The following CHPF variants were observed in gnomAD, a reference collection of about 807,000 sequenced individuals.
The protein encoded by CHPF is chondroitin polymerizing factor.
Under a neutral mutation model 55.1 loss-of-function variants are expected in CHPF, and 34 were observed. The ratio of observed to expected loss-of-function variants is 0.62; its 90% CI spans 0.47 to 0.82. The LOEUF (loss-of-function observed/expected upper bound fraction) is 0.82. CHPF is among the 40% of genes least tolerant of loss of function. The pLI, the probability that CHPF is intolerant of heterozygous loss-of-function variation, is 0.00. For missense variants in CHPF, 961 were observed against 1,106.1 expected (o/e 0.87, Z 1.86); for synonymous variants, 489 against 496.6 (o/e 0.98, Z 0.20).
chr2:219,542,014 C>A lies in CHPF; in HGVS notation c.490G>T (p.Ala164Ser). 6.2e-7 allele frequency: 1 copy of A among 1,600,370 alleles called. No individual in the cohort carries two copies. The highest frequency in any genetic ancestry group is 1.3e-5 in the African/African-American group (1 of 74,794). Residue 164 changes from alanine to serine, a missense_variant, in exon 2 of 4, where the codon GCA becomes TCA. Ala to Ser is a moderately conservative substitution (Grantham distance 99). This residue lies in a region of CHPF where 936 missense variants were observed against 1,058.4 expected (regional missense o/e 0.88). Transcript: ENST00000243776. ...CGCTCCTCGCCTAGCGTCACCACTG[C>A]CATGCCAGGTGGGGCCCGGCGGCCC... ...ARGRRAPPGM[A>S]VVTLGEERPI...
In CHPF at chr2:219,539,371, G is replaced by T; in HGVS notation, c.*12C>A. 1.9e-6 allele frequency: 3 copies of T among 1,583,620 alleles called. No individual in the cohort carries two copies. The highest frequency in any genetic ancestry group is 1.1e-5 in the South Asian group (1 of 88,428). ...GTGTGGCCATGCCACGGCCCACGGG[G>T]ACAGGGTGGGGTCAGGTGCTGTTGC... On this transcript the variant is annotated 3_prime_UTR_variant, in exon 4 of 4. Transcript: ENST00000243776.
At chr2:219,541,256 C>A in intron 2 of CHPF, 131 bp from the exon 3 acceptor site, 2 of 883,342 alleles carry the variant, frequency 2.3e-6, no homozygotes. Context: ...CTACCTTGAC[C>A]AGTTGTGAGT....
Position 219,541,844 on chromosome 2 carries a change from G to T in CHPF, c.660C>A (p.Ser220=). The stretch of plus-strand genomic sequence containing the variant: ...GCCGGCCCAGGTACAGGTGGGCGGC[G>T]GAGGCCAGGCTGAGGTGGCCAGTTA... ...ARLTGHLSLA[S]AAHLYLGRPQ... The change falls in exon 2 of 4, where the codon TCC becomes TCA. Residue 220 remains serine, a synonymous_variant. Transcript: ENST00000243776. 6.2e-7 allele frequency: 1 copy of T among 1,610,252 alleles called. No individual in the cohort carries two copies. The highest frequency in any genetic ancestry group is 2.2e-5 in the East Asian group (1 of 44,658).
In CHPF at chr2:219,542,114, C is replaced by A; in HGVS notation, c.390G>T (p.Leu130=). The change falls in exon 2 of 4, where the codon CTG becomes CTT. Residue 130 remains leucine (L), a synonymous_variant. Coordinates refer to ENST00000243776, the MANE Select transcript of CHPF (RefSeq NM_024536.6). Reference sequence around the variant, plus strand: ...GGTTCACGGCCACGCCCAGCGTGGGCAGCGTGGTCTGAGAGGTCAGCACCG... The same window carrying A: ...GGTTCACGGCCACGCCCAGCGTGGGAAGCGTGGTCTGAGAGGTCAGCACCG... ...LVAVLTSQTT[L]PTLGVAVNRT... is the part of the protein sequence containing the mutation. The A allele has an allele frequency of 6.4e-7, 1 of 1,569,276 alleles. No individual in the cohort carries two copies. The highest frequency in any genetic ancestry group is 1.8e-5 in the Admixed American group (1 of 55,274).
In CHPF at chr2:219,543,194, A is replaced by G; in HGVS notation, c.314+31T>C. ...CCCGCGCGCTTCCCGGCCGCTGCCC[A>G]GGGGGTAGAGCGGGCGCAGCCGATC... On this transcript the variant is annotated intron_variant, in intron 1 of 3. Coordinates refer to ENST00000243776, the MANE Select transcript of CHPF (RefSeq NM_024536.6). The G allele has an allele frequency of 3.5e-6, 5 of 1,446,638 alleles. No individual in the cohort carries two copies. The South Asian group carries it at 5.7e-5, about 17-fold the overall frequency. The allele number at this position is 1,446,638 out of a possible 1,614,324, so 89.6% of individuals were successfully genotyped here. A position where few individuals can be genotyped will look rare whatever the true frequency, so the allele number is the denominator to read the frequency against.
At chr2:219,542,308 A>G (rs1212534961) in intron 1 of CHPF, 119 bp from the exon 2 acceptor site, 2 of 741,850 alleles carry the variant, frequency 2.7e-6, no homozygotes, top group African/African-American at 3.6e-5. Context: ...CTCACCTATG[A>G]ATAGGTTAAA....
Position 219,539,896 on chromosome 2 carries a change from G to A in CHPF, c.1815C>T (p.His605=), listed in dbSNP as rs770548472. 8.7e-6 allele frequency: 14 copies of A among 1,613,712 alleles called. No homozygotes were observed. The highest frequency in any genetic ancestry group is 1.6e-4 in the Middle Eastern group (1 of 6,062). ...CCAGCAGGAACAGTGTGTCCAGCGG[G>A]TGCTTCTTGGAGAGTAGATCCATGA... ...LRLMDLLSKK[H]PLDTLFLLAG... is the part of the protein sequence containing the mutation. The change falls in exon 4 of 4, where the codon CAC becomes CAT. Residue 605 remains histidine (H), a synonymous_variant. Coordinates refer to ENST00000243776, the MANE Select transcript of CHPF (RefSeq NM_024536.6).
chr2:219,542,915 T>C, intron 1 of CHPF: 1 of 1,187,898 alleles, frequency 8.4e-7, no homozygotes, highest in East Asian at 4.0e-5. Flanking sequence ...ACACTCACCC[T>C]ATATATAAGT....
Position 219,543,648 on chromosome 2 carries a change from G to A in CHPF, c.-110C>T. 2.4e-6 allele frequency: 2 copies of A among 818,624 alleles called. No homozygotes were observed. Among genetic ancestry groups the A allele is most frequent in the Non-Finnish European group, 3.4e-6 (2 of 596,130 alleles). 50.7% of individuals were successfully genotyped at this position (818,624 alleles called of 1,614,324 possible). ...CGGATCCGGAGGGCTCGGGCCCCGC[G>A]GGCGGGCCCGCTCCCTCCCCGCAGA... is the stretch of plus-strand genomic sequence containing the variant. On this transcript the variant is annotated 5_prime_UTR_variant, in exon 1 of 4. Transcript: ENST00000243776.
chr2:219,539,884 T>C lies in CHPF; in HGVS notation c.1827A>G (p.Thr609=), dbSNP rs754135043. The change falls in exon 4 of 4, where the codon ACA becomes ACG. Residue 609 remains threonine, a synonymous_variant. Coordinates refer to ENST00000243776, the MANE Select transcript of CHPF (RefSeq NM_024536.6). ...DLLSKKHPLD[T]LFLLAGPDTV... Reference sequence around the variant, plus strand: ...TGTCTGGCCCGGCCAGCAGGAACAGTGTGTCCAGCGGGTGCTTCTTGGAGA... The same window carrying C: ...TGTCTGGCCCGGCCAGCAGGAACAGCGTGTCCAGCGGGTGCTTCTTGGAGA... 26 of 1,613,570 alleles carry C rather than the reference T, an allele frequency of 1.6e-5. No homozygotes were observed. The highest frequency in any genetic ancestry group is 1.9e-5 in the Non-Finnish European group (23 of 1,180,008).
At chr2:219,541,469 T>C (rs1048467136) in intron 2 of CHPF, 147 bp downstream of exon 2, 1 of 646,920 alleles carries the variant, frequency 1.5e-6, no homozygotes, top group African/African-American at 1.9e-5. Context: ...GCCCAGGATA[T>C]TTAGTAATTT....
Position 219,541,838 on chromosome 2 carries a change from G to C in CHPF, c.666C>G (p.Ala222=). 6.2e-7 allele frequency: 1 copy of C among 1,609,650 alleles called. No homozygotes were observed. ...LTGHLSLASA[A]HLYLGRPQDF... ...CCTGGGGCCGGCCCAGGTACAGGTG[G>C]GCGGCGGAGGCCAGGCTGAGGTGGC... The change falls in exon 2 of 4, where the codon GCC becomes GCG. Residue 222 remains alanine, a synonymous_variant. Transcript: ENST00000243776.
At position 219,543,476 on chromosome 2, in the gene CHPF, G is replaced by T; in HGVS notation, c.63C>A (p.Ser21=). 2.8e-6 allele frequency: 4 copies of T among 1,427,432 alleles called. No homozygotes were observed. Among genetic ancestry groups the T allele is most frequent in the Non-Finnish European group, 3.6e-6 (4 of 1,096,578 alleles). The allele number at this position is 1,427,432 out of a possible 1,614,324, so 88.4% of individuals were successfully genotyped here. A position where few individuals can be genotyped will look rare whatever the true frequency, so the allele number is the denominator to read the frequency against. The part of the protein sequence containing the change: ...RPAGPVAVGI[S]LGFTLSLLSV... ...TGAGCAGGCTCAGGGTGAAGCCCAG[G>T]GAGATGCCCACGGCCACGGGCCCTG... Residue 21 remains serine (S), a synonymous_variant, in exon 1 of 4, where the codon TCC becomes TCA. Coordinates refer to ENST00000243776, the MANE Select transcript of CHPF (RefSeq NM_024536.6).
At chr2:219,540,881 T>A in intron 3 of CHPF, 65 bp downstream of exon 3, 4 of 1,576,196 alleles carry the variant, frequency 2.5e-6, no homozygotes, top group Non-Finnish European at 2.6e-6. Context: ...GTCATTTCTC[T>A]GGGCTCTCTG....
In CHPF at chr2:219,540,232, G is replaced by T. The variant is rs986801190; in HGVS notation, c.1479C>A (p.Arg493=). The T allele has an allele frequency of 3.7e-6, 6 of 1,613,560 alleles. No homozygotes were observed. The highest frequency in any genetic ancestry group is 4.2e-6 in the Non-Finnish European group (5 of 1,179,806). The part of the protein sequence containing the change: ...RRVQLLRPLS[R]VEILPVPYVT... The stretch of plus-strand genomic sequence containing the variant: ...CATAGGGCACAGGCAAGATCTCCAC[G>T]CGGCTCAGCGGCCGGAGCAGCTGCA... Residue 493 remains arginine, a synonymous_variant, in exon 4 of 4, where the codon CGC becomes CGA. Transcript: ENST00000243776.
At chr2:219,543,066 C>A (rs1695311983) in intron 1 of CHPF, 159 bp downstream of exon 1, 1 of 1,360,890 alleles carries the variant, frequency 7.3e-7, no homozygotes, top group Non-Finnish European at 9.4e-7. Flanking sequence ...ACTGGCCCCA[C>A]GGCTCTCGGG....
In CHPF at chr2:219,540,233, C is replaced by T. The variant is rs779983221; in HGVS notation, c.1478G>A (p.Arg493His). The T allele has an allele frequency of 1.7e-5, 27 of 1,613,534 alleles. No homozygotes were observed. In the East Asian group the frequency reaches 2.5e-4, roughly 15 times the overall value. Reference protein sequence around the residue: ...RRVQLLRPLSRVEILPVPYVT... With the variant: ...RRVQLLRPLSHVEILPVPYVT... ...ATAGGGCACAGGCAAGATCTCCACG[C>T]GGCTCAGCGGCCGGAGCAGCTGCAC... The change falls in exon 4 of 4, where the codon CGC becomes CAC. Residue 493 changes from arginine (R) to histidine (H), a missense_variant. Arg to His is a conservative substitution (Grantham distance 29). This residue lies in a region of CHPF where 936 missense variants were observed against 1,058.4 expected (regional missense o/e 0.88). Coordinates refer to ENST00000243776, the MANE Select transcript of CHPF (RefSeq NM_024536.6).
intron 1 of CHPF, chr2:219,542,906 C>T: frequency 8.6e-7 from 1 of 1,162,534 alleles, no homozygotes; most frequent in Non-Finnish European, 1.1e-6. Context: ...TGTCTCTATA[C>T]ACTCACCCTA....
chr2:219,542,318 A>G (rs1328711737), intron 1 of CHPF, 129 bp from the exon 2 acceptor site: 1 of 689,078 alleles, frequency 1.5e-6, no homozygotes, highest in African/African-American at 1.8e-5. Context: ...AATAGGTTAA[A>G]AATAAACCCT....
Sources: allele counts gnomAD v4.1 joint callset, GRCh38; gene constraint gnomAD v4.1.1; regional missense constraint gnomAD v4.1.1; transcripts MANE v1.5; gene names NCBI Gene and HGNC (gene_info 2026-07-23, HGNC 2026-07-21).